Variants in SOX6 observed in about 807,000 individuals in gnomAD.
SOX6 encodes transcription factor SOX-6.
Under a neutral mutation model 97.8 loss-of-function variants are expected in SOX6, and 11 were observed. That is an observed-to-expected ratio of 0.11 (90% CI 0.07 to 0.19). The LOEUF (loss-of-function observed/expected upper bound fraction) is 0.19, where lower values mean the gene tolerates loss of function less well. SOX6 is among the 10% of genes least tolerant of loss of function. The pLI, the probability that SOX6 is intolerant of heterozygous loss-of-function variation, is 1.00. For missense variants in SOX6, 810 were observed against 1,039.5 expected (o/e 0.78, Z 3.04); for synonymous variants, 360 against 371.4 (o/e 0.97, Z 0.35).
intron 10 of SOX6, among the ~76,000 whole-genome samples, chr11:16,051,179 C>T (rs138948446): frequency 2.0e-5 from 3 of 152,064 alleles, no homozygotes; most frequent in East Asian, 3.9e-4. Context: ...AAACAGCATG[C>T]GCAAAGAAGC....
At chr11:16,330,887 C>T (rs559544996) in intron 2 of SOX6, among the ~76,000 whole-genome samples, 47 of 152,210 alleles carry the variant, frequency 3.1e-4, no homozygotes, top group African/African-American at 1.0e-3. Flanking sequence ...TAGGAGGTAA[C>T]TTGTGTTCCC....
chr11:16,418,845 T>A (rs1484961762), intron 1 of SOX6, among the ~76,000 whole-genome samples: 2 of 152,182 alleles, frequency 1.3e-5, no homozygotes, highest in Non-Finnish European at 2.9e-5. Flanking sequence ...TCAGTCTCAC[T>A]AAGCGAAATA....
chr11:16,246,910 G>C (rs1226558133), intron 3 of SOX6, among the ~76,000 whole-genome samples: 3 of 152,068 alleles, frequency 2.0e-5, no homozygotes, highest in Admixed American at 2.0e-4. Flanking sequence ...CTTTGTGTTA[G>C]AAACATTCCA....
intron 7 of SOX6, among the ~76,000 whole-genome samples, chr11:16,105,930 T>G (rs1849069217): frequency 6.6e-6 from 1 of 151,734 alleles, no homozygotes. Flanking sequence ...CAAAAGAAAA[T>G]TAAGAAAACA....
intron 12 of SOX6, 104 bp downstream of exon 12, chr11:16,046,410 C>A: frequency 1.6e-6 from 2 of 1,276,466 alleles, no homozygotes; most frequent in South Asian, 1.2e-5. Flanking sequence ...AAGCTGGAAG[C>A]CCAAATCTAT....
chr11:16,114,539 T>C (rs77007460), intron 6 of SOX6, among the ~76,000 whole-genome samples: 1,845 of 152,268 alleles, frequency 0.012, 38 homozygotes, highest in African/African-American at 0.042. Flanking sequence ...GGACTAGAAA[T>C]TATCAAATTA....
chr11:15,969,127 A>G lies in SOX6; in HGVS notation c.*3682T>C, dbSNP rs1258390064. On this transcript the variant is annotated 3_prime_UTR_variant, in exon 16 of 16. Transcript: ENST00000683767. Reference sequence around the variant, plus strand: ...GATTGCCTGGCAGTGTCCCAATTCTAAGTGACAAGGAGAACCCTGACCCTG... The same window carrying G: ...GATTGCCTGGCAGTGTCCCAATTCTGAGTGACAAGGAGAACCCTGACCCTG... 1 of 134,680 alleles carries G rather than the reference A, an allele frequency of 7.4e-6. No individual in the cohort carries two copies. Among genetic ancestry groups the G allele is most frequent in the East Asian group, 2.1e-4 (1 of 4,674 alleles). The allele number at this position is 134,680 out of a possible 1,614,324, so 8.3% of individuals were successfully genotyped here. A position where few individuals can be genotyped will look rare whatever the true frequency, so the allele number is the denominator to read the frequency against.
At chr11:16,181,407 CT>C (rs796074201) in intron 6 of SOX6, among the ~76,000 whole-genome samples, 1 of 151,298 alleles carries the variant, frequency 6.6e-6, no homozygotes, top group Admixed American at 6.6e-5. Context: ...GAAAGTGTTT[CT>C]TTTTTTGATA....
chr11:16,733,987 A>G (rs1248789349), intron 2 of SOX6, among the ~76,000 whole-genome samples: 3 of 151,026 alleles, frequency 2.0e-5, no homozygotes, highest in Non-Finnish European at 4.4e-5. Context: ...AGATCGTGCC[A>G]CTGCACTCTA....
chr11:16,514,707 C>T (rs1169820055), intron 4 of SOX6, among the ~76,000 whole-genome samples: 2 of 123,394 alleles, frequency 1.6e-5, no homozygotes, highest in East Asian at 2.8e-4. Context: ...TCCCCCCACC[C>T]CACAACAGTC....
chr11:16,714,851 G>A (rs1848208760), exon 3 of SOX6: 1 of 152,130 alleles, frequency 6.6e-6, no homozygotes, highest in African/African-American at 2.4e-5. Flanking sequence ...TTGGACTTCT[G>A]TAGATTTCAA....
intron 6 of SOX6, among the ~76,000 whole-genome samples, chr11:16,131,490 T>A (rs1013688633): frequency 2.0e-5 from 3 of 152,098 alleles, no homozygotes; most frequent in African/African-American, 7.2e-5. Flanking sequence ...AGAACTTTCA[T>A]ACATTGCTGG....
intron 1 of SOX6, among the ~76,000 whole-genome samples, chr11:16,375,408 T>G (rs1485974325): frequency 1.3e-5 from 2 of 151,812 alleles, no homozygotes. Flanking sequence ...TAGTTACAAA[T>G]TAGTAGCAGA....
intron 3 of SOX6, among the ~76,000 whole-genome samples, chr11:16,701,868 T>A (rs923151111): frequency 1.5e-4 from 23 of 150,950 alleles, no homozygotes; most frequent in Non-Finnish European, 2.1e-4. Context: ...CACTCCAGCC[T>A]GGGCGACAGA....
At chr11:16,055,936 A>G (rs1847805281) in intron 9 of SOX6, 35 bp from the exon 10 acceptor site, 7 of 1,610,956 alleles carry the variant, frequency 4.3e-6, no homozygotes, top group Non-Finnish European at 5.9e-6. Context: ...TGATCTCTTT[A>G]AATGCAGCTG....
intron 6 of SOX6, among the ~76,000 whole-genome samples, chr11:16,117,075 C>T (rs1182695525): frequency 2.6e-5 from 4 of 152,032 alleles, no homozygotes; most frequent in African/African-American, 7.2e-5. Context: ...GGCAGCTGGG[C>T]GTGGTGGCTC....
chr11:16,522,324 T>C (rs148122974), intron 4 of SOX6, among the ~76,000 whole-genome samples: 20,342 of 152,100 alleles, frequency 0.13, 1,717 homozygotes, highest in Middle Eastern at 0.31. Flanking sequence ...GGGGCCAATA[T>C]TCAATATTCT....
At chr11:16,370,180 A>G (rs1052531293) in intron 1 of SOX6, among the ~76,000 whole-genome samples, 1 of 151,958 alleles carries the variant, frequency 6.6e-6, no homozygotes, top group African/African-American at 2.4e-5. Context: ...CAGTAACACA[A>G]ATTTTTCCAT....
At chr11:15,995,137 A>G (rs1053643397) in intron 13 of SOX6, among the ~76,000 whole-genome samples, 30 of 152,326 alleles carry the variant, frequency 2.0e-4, no homozygotes, top group Admixed American at 1.0e-3. Flanking sequence ...GAACCCATGA[A>G]AAACAGAGCT....
Sources: allele counts gnomAD v4.1 joint callset (sites outside exome capture counted in the v4.1 genomes callset), GRCh38; gene constraint gnomAD v4.1.1; transcripts MANE v1.5; gene names NCBI Gene and HGNC (gene_info 2026-07-23, HGNC 2026-07-21).